The following METTL15 variants were observed in gnomAD, a reference collection of about 807,000 sequenced individuals.
The protein encoded by METTL15 is 12S rRNA N(4)-cytidine methyltransferase METTL15.
METTL15 carries 34 observed loss-of-function variants against 38.3 expected under a neutral mutation model. The observed-to-expected ratio is 0.89, with a 90% CI of 0.68 to 1.18. The LOEUF is 1.18. METTL15 is among the 50% of genes most tolerant of loss of function. METTL15 has a pLI of 0.00. For missense variants in METTL15, 438 were observed against 498.4 expected (o/e 0.88, Z 1.15); for synonymous variants, 162 against 170.9 (o/e 0.95, Z 0.41).
chr11:28,473,794 A>G (rs1851321346), intron 6 of METTL15, among the ~76,000 whole-genome samples: 1 of 152,030 alleles, frequency 6.6e-6, no homozygotes, highest in Non-Finnish European at 1.5e-5. Context: ...ATCTAATGCT[A>G]AAGACCACCT....
chr11:28,113,668 C>T (rs1851819506), intron 3 of METTL15, 64 bp downstream of exon 3: 2 of 1,542,502 alleles, frequency 1.3e-6, no homozygotes, highest in African/African-American at 2.8e-5. Flanking sequence ...TTGTAATATT[C>T]ATTATTTTAA....
chr11:28,232,504 C>T (rs1230784627), intron 4 of METTL15, among the ~76,000 whole-genome samples: 9 of 151,444 alleles, frequency 5.9e-5, no homozygotes, highest in African/African-American at 2.2e-4. Context: ...AAAAAGTATA[C>T]TATATAATAG....
chr11:28,195,859 T>G (rs1851889747), intron 3 of METTL15, among the ~76,000 whole-genome samples: 1 of 152,152 alleles, frequency 6.6e-6, no homozygotes, highest in African/African-American at 2.4e-5. Context: ...GATTTAAGTC[T>G]TCAGTCTGTC....
rs139022154 is a variant in METTL15, at chr11:28,517,557, TG to T, written c.*425-8920del. On this transcript the variant is annotated intron_variant and NMD_transcript_variant, in intron 6 of 7. Transcript: ENST00000532947. ...TTTACCTTTAAAAATAACAGCTTTC[TG>T]TCCAGCCTTTCTGGATGCTGAAACA... Among the ~76,000 whole-genome samples the T allele has an allele frequency of 1.1e-3, 172 of 152,340 alleles. 1 individual carries two copies. The highest frequency in any genetic ancestry group is 3.9e-3 in the African/African-American group (163 of 41,584).
At chr11:28,257,964 A>G (rs1022353463) in intron 4 of METTL15, among the ~76,000 whole-genome samples, 7 of 152,104 alleles carry the variant, frequency 4.6e-5, no homozygotes, top group East Asian at 1.9e-4. Context: ...GTGTTTGGTC[A>G]TGGAAGAGTT....
At chr11:28,500,436 T>C (rs919080055) in intron 6 of METTL15, among the ~76,000 whole-genome samples, 1 of 152,220 alleles carries the variant, frequency 6.6e-6, no homozygotes, top group Admixed American at 6.5e-5. Context: ...CCCAATGCAT[T>C]GGCAGGTAGG....
intron 3 of METTL15, among the ~76,000 whole-genome samples, chr11:28,120,708 C>T (rs1852192369): frequency 6.6e-6 from 1 of 152,096 alleles, no homozygotes; most frequent in South Asian, 2.1e-4. Flanking sequence ...TTTGATGCTT[C>T]TGTGCCCTTA....
At chr11:28,223,291 C>G (rs1216230990) in intron 4 of METTL15, among the ~76,000 whole-genome samples, 1 of 151,998 alleles carries the variant, frequency 6.6e-6, no homozygotes, top group South Asian at 2.1e-4. Flanking sequence ...TACATCTCTG[C>G]ATATTTATGC....
chr11:28,177,104 GTTAAT>G (rs1351093265), intron 3 of METTL15, among the ~76,000 whole-genome samples: 7 of 152,082 alleles, frequency 4.6e-5, no homozygotes, highest in Non-Finnish European at 8.8e-5. Flanking sequence ...CTTCCACATT[GTTAAT>G]TTAAGATATT....
At chr11:28,515,425 G>A (rs1851711703) in intron 6 of METTL15, among the ~76,000 whole-genome samples, 1 of 152,200 alleles carries the variant, frequency 6.6e-6, no homozygotes, top group Admixed American at 6.5e-5. Context: ...CCTGATCTGT[G>A]TTGTTGATTT....
intron 3 of METTL15, chr11:28,134,759 C>CATAT: frequency 2.5e-6 from 1 of 393,738 alleles, no homozygotes; most frequent in Non-Finnish European, 4.5e-6. Flanking sequence ...TATTAGAAGA[C>CATAT]ATATATCAAA....
rs771251593 is a variant in METTL15 at position 28,296,734 on chromosome 11, T to C, written c.600-19T>C. On this transcript the variant is annotated intron_variant, in intron 5 of 6. Transcript: ENST00000407364. The stretch of plus-strand genomic sequence containing the variant: ...TGAGAACTGATGTCAGTGAACTAAT[T>C]GGCTCTTCTTGTGCGTAGGTACCCT... 3.1e-6 allele frequency: 5 copies of C among 1,611,218 alleles called. No individual in the cohort carries two copies. In the African/African-American group the frequency reaches 4.0e-5, roughly 13 times the overall value.
chr11:28,474,917 GT>G (rs1293851644), intron 6 of METTL15, among the ~76,000 whole-genome samples: 1 of 152,196 alleles, frequency 6.6e-6, no homozygotes, highest in African/African-American at 2.4e-5. Context: ...AGTGCCCTAT[GT>G]TTAACACATG....
chr11:28,486,046 A>G (rs929656214), intron 6 of METTL15, among the ~76,000 whole-genome samples: 1 of 152,218 alleles, frequency 6.6e-6, no homozygotes, highest in Non-Finnish European at 1.5e-5. Context: ...CATTAGGGTT[A>G]GGGCTTCAAC....
At chr11:28,270,676 G>A (rs1007177923) in intron 4 of METTL15, among the ~76,000 whole-genome samples, 1 of 152,096 alleles carries the variant, frequency 6.6e-6, no homozygotes, top group Non-Finnish European at 1.5e-5. Context: ...TTTTTATAAG[G>A]ATTCAATGAA....
intron 4 of METTL15, among the ~76,000 whole-genome samples, chr11:28,238,701 C>G (rs1449389426): frequency 6.6e-6 from 1 of 152,248 alleles, no homozygotes; most frequent in Non-Finnish European, 1.5e-5. Context: ...TCCTGCGTCG[C>G]TCACGCTGGG....
intron 2 of METTL15, among the ~76,000 whole-genome samples, chr11:28,112,293 C>G (rs1851750406): frequency 6.6e-6 from 1 of 152,134 alleles, no homozygotes; most frequent in Non-Finnish European, 1.5e-5. Flanking sequence ...TTAATCCATT[C>G]ATTCATTTTC....
intron 6 of METTL15, among the ~76,000 whole-genome samples, chr11:28,512,173 A>C (rs1486597902): frequency 6.6e-6 from 1 of 152,188 alleles, no homozygotes; most frequent in Non-Finnish European, 1.5e-5. Context: ...CCACCAGAGT[A>C]GCTAGATACA....
At chr11:28,265,015 T>C (rs923988409) in intron 4 of METTL15, among the ~76,000 whole-genome samples, 1 of 152,158 alleles carries the variant, frequency 6.6e-6, no homozygotes, top group Non-Finnish European at 1.5e-5. Flanking sequence ...TATACAATTC[T>C]ATGTGATTGA....
Sources: gnomAD v4.1 joint callset for allele counts (sites outside exome capture counted in the v4.1 genomes callset) on GRCh38, gnomAD v4.1.1 for gene constraint, MANE v1.5 for transcripts, NCBI Gene and HGNC (gene_info 2026-07-23, HGNC 2026-07-21) for gene names.